The following SPG7 variants were observed in gnomAD, a reference collection of about 807,000 sequenced individuals.
SPG7 encodes the protein SPG7 matrix AAA peptidase subunit, paraplegin, also known as mitochondrial inner membrane m-AAA protease component paraplegin.
Under a neutral mutation model 81.9 loss-of-function variants are expected in SPG7, and 103 were observed. The observed-to-expected ratio is 1.26, with a 90% CI of 1.07 to 1.48. SPG7 has a LOEUF of 1.48. SPG7 is among the 40% of genes most tolerant of loss of function. The pLI, the probability that SPG7 is intolerant of heterozygous loss-of-function variation, is 0.00. For synonymous variants in SPG7, 534 were observed against 444.2 expected, an observed-to-expected ratio of 1.20 and a Z score of -2.54; for missense variants, 1,241 against 1,087.3, an observed-to-expected ratio of 1.14 and a Z score of -1.99.
At chr16:89,544,413 G>A (rs959200301) in intron 9 of SPG7, 7 of 504,998 alleles carry the variant, frequency 1.4e-5, no homozygotes, top group African/African-American at 1.4e-4. Context: ...GGAGGGCCTT[G>A]GACAGTTCTG....
chr16:89,541,878 C>A (rs1295455148), intron 9 of SPG7: 4 of 151,968 alleles, frequency 2.6e-5, no homozygotes, highest in Non-Finnish European at 5.9e-5. Flanking sequence ...AACCACATGT[C>A]CCTGACACAT....
intron 6 of SPG7, 161 bp downstream of exon 6, chr16:89,529,740 C>G: frequency 1.4e-6 from 1 of 696,096 alleles, no homozygotes; most frequent in South Asian, 1.5e-5. Flanking sequence ...CATGGTCCGG[C>G]TGTAAGGCGT....
At chr16:89,530,992 C>A in intron 7 of SPG7, 184 bp downstream of exon 7, 1 of 773,484 alleles carries the variant, frequency 1.3e-6, no homozygotes, top group East Asian at 2.7e-5. Flanking sequence ...GCACAAGCCT[C>A]GTGCACATGG....
At chr16:89,517,066 CA>C (rs1476035751) in intron 3 of SPG7, 1 of 152,362 alleles carries the variant, frequency 6.6e-6, no homozygotes, top group Non-Finnish European at 1.5e-5. Context: ...TCTTGGGTAG[CA>C]GGGGTGGAAG....
Position 89,529,479 on chromosome 16 carries a change from C to T in SPG7, c.761C>T (p.Ala254Val). 1 of 1,610,728 alleles carries T rather than the reference C, an allele frequency of 6.2e-7. No individual in the cohort carries two copies. ...SYKRTGFFGN[A>V]LYSVGMTAVG... ...CCTGCCTCTCTTTCTTCCGGCAGTGCCCTGTACTCTGTGGGGATGACGGCA... is the reference window on the plus strand; with the variant it reads ...CCTGCCTCTCTTTCTTCCGGCAGTGTCCTGTACTCTGTGGGGATGACGGCA... The change falls in exon 6 of 17, where the codon GCC becomes GTC. Residue 254 changes from alanine (A) to valine (V), a missense_variant and splice_region_variant. Physicochemically the swap from Ala to Val is moderately conservative, Grantham distance 64 (BLOSUM62 0). Coordinates refer to ENST00000645818, the MANE Select transcript of SPG7 (RefSeq NM_003119.4).
Position 89,513,030 on chromosome 16 carries a change from G to A in SPG7, c.369G>A (p.Glu123=), listed in dbSNP as rs777746374. The part of the protein sequence containing the change: ...KDKSKGKAPE[E]DEEERRRRER... The stretch of plus-strand genomic sequence containing the variant: ...AGTCGAAGGGGAAGGCGCCTGAAGA[G>A]GACGAAGGTATATTCATCTGATGTT... Residue 123 remains glutamate, a synonymous_variant, in exon 3 of 17, where the codon GAG becomes GAA. Coordinates refer to ENST00000645818, the MANE Select transcript of SPG7 (RefSeq NM_003119.4). 1.5e-5 allele frequency: 24 copies of A among 1,608,228 alleles called. No homozygotes were observed. In the South Asian group the frequency reaches 2.3e-4, roughly 16 times the overall value.
At chr16:89,536,796 G>T (rs753641547) in intron 9 of SPG7, 1 of 1,613,988 alleles carries the variant, frequency 6.2e-7, no homozygotes, top group East Asian at 2.2e-5. Flanking sequence ...CCTCCCAGGG[G>T]ACCATGAGGA....
At chr16:89,529,789 C>T (rs1300472777) in intron 6 of SPG7, 1 of 625,168 alleles carries the variant, frequency 1.6e-6, no homozygotes, top group Middle Eastern at 4.2e-4. Context: ...TCACCCCTAA[C>T]TCTGGGGTGC....
At chr16:89,519,607 C>G (rs1015269553) in intron 3 of SPG7, 13 of 151,880 alleles carry the variant, frequency 8.6e-5, no homozygotes, top group African/African-American at 2.7e-4. Flanking sequence ...GTCTCAGACT[C>G]CCGACCTCAG....
chr16:89,511,363 T>G (rs139861888), intron 2 of SPG7, among the ~76,000 whole-genome samples: 1,820 of 152,352 alleles, frequency 0.012, 39 homozygotes, highest in African/African-American at 0.041. Context: ...CTCTTGGCTT[T>G]AGGTTAAAGA....
intron 2 of SPG7, among the ~76,000 whole-genome samples, chr16:89,512,325 A>G (rs901978966): frequency 2.5e-4 from 36 of 145,744 alleles, no homozygotes; most frequent in African/African-American, 8.1e-4. Context: ...TTGTCTGGAA[A>G]CCATTTGTGA....
chr16:89,554,921 T>C, intron 16 of SPG7: 2 of 268,048 alleles, frequency 7.5e-6, no homozygotes, highest in South Asian at 3.8e-5. Flanking sequence ...AATTTTTTTT[T>C]CTTTTTTTTT....
In SPG7 at chr16:89,546,710, C is replaced by G; in HGVS notation, c.1502C>G (p.Ser501Cys). The change falls in exon 11 of 17, where the codon TCC (serine) becomes TGC (cysteine). Residue 501 changes from serine (S) to cysteine (C), a missense_variant. Transcript: ENST00000645818. ...QHLKSLKLTQ[S>C]STFYSQRLAE... ...CTGAAGAGCCTGAAGCTGACCCAGTCCAGCACCTTTTACTCCCAGCGTCTG... is the reference window on the plus strand; with the variant it reads ...CTGAAGAGCCTGAAGCTGACCCAGTGCAGCACCTTTTACTCCCAGCGTCTG... 6.2e-7 allele frequency: 1 copy of G among 1,613,766 alleles called. No individual in the cohort carries two copies.
rs772832212 is a variant in SPG7 at position 89,541,532 on chromosome 16, G to A, written c.1325-3116G>A. On this transcript the variant is annotated intron_variant, in intron 9 of 16. Coordinates refer to ENST00000645818, the MANE Select transcript of SPG7 (RefSeq NM_003119.4). ...GGAGATGCTCGTTATGTGAACGTGC[G>A]TGTGACACAGGTGTCCATCTGTGGA... 1.8e-3 allele frequency: 296 copies of A among 164,534 alleles called. 2 individuals are homozygous for A. The highest frequency in any genetic ancestry group is 1.8e-3 in the Admixed American group (28 of 15,314). 10.2% of individuals were successfully genotyped at this position (164,534 alleles called of 1,614,324 possible).
At chr16:89,526,160 G>A (rs1020781693) in intron 4 of SPG7, among the ~76,000 whole-genome samples, 169 bp from the exon 5 acceptor site, 1 of 152,142 alleles carries the variant, frequency 6.6e-6, no homozygotes, top group Non-Finnish European at 1.5e-5. Flanking sequence ...TGGAAAGACC[G>A]TAAGTGGAAC....
In SPG7 at chr16:89,557,165, T is replaced by G; in HGVS notation, c.*72T>G. ...TCACTCAGCCACCCTGAGTTGCTTT[T>G]CAGCTGAGGTTTGCACTTCCTCTCG... On this transcript the variant is annotated 3_prime_UTR_variant, in exon 17 of 17. Coordinates refer to ENST00000645818, the MANE Select transcript of SPG7 (RefSeq NM_003119.4). 8.4e-7 allele frequency: 1 copy of G among 1,196,500 alleles called. No individual in the cohort carries two copies. Among genetic ancestry groups the G allele is most frequent in the Non-Finnish European group, 1.2e-6 (1 of 817,170 alleles). The allele number at this position is 1,196,500 out of a possible 1,614,324, so 74.1% of individuals were successfully genotyped here.
intron 9 of SPG7, chr16:89,537,356 T>G: frequency 3.5e-6 from 4 of 1,153,952 alleles, no homozygotes; most frequent in Non-Finnish European, 4.3e-6. Context: ...TCCCGGCTCC[T>G]GTGCTGGAAA....
At chr16:89,544,866 T>C in intron 10 of SPG7, 94 bp downstream of exon 10, 2 of 1,501,380 alleles carry the variant, frequency 1.3e-6, no homozygotes, top group South Asian at 2.3e-5. Context: ...CTTCTTGGTG[T>C]GAAGCCTGTC....
At position 89,508,442 on chromosome 16, in the gene SPG7, C is replaced by T. The variant is rs1368314619; in HGVS notation, c.25C>T (p.Arg9Cys). MAVLLLLL[R>C]ALRRGPGPGP... is the part of the protein sequence containing the mutation. ...CATGGCCGTGCTGCTGCTGCTGCTC[C>T]GTGCCCTCCGCCGGGGTCCAGGCCC... Residue 9 changes from arginine to cysteine, a missense_variant, in exon 1 of 17, where the codon CGT becomes TGT. Coordinates refer to ENST00000645818, the MANE Select transcript of SPG7 (RefSeq NM_003119.4). The T allele has an allele frequency of 2.5e-5, 38 of 1,501,936 alleles. No homozygotes were observed. Among genetic ancestry groups the T allele is most frequent in the Non-Finnish European group, 3.1e-5 (35 of 1,132,590 alleles). The allele number at this position is 1,501,936 out of a possible 1,614,324, so 93.0% of individuals were successfully genotyped here.
Sources: gnomAD v4.1 joint callset for allele counts (sites outside exome capture counted in the v4.1 genomes callset) on GRCh38, gnomAD v4.1.1 for gene constraint, MANE v1.5 for transcripts, NCBI Gene and HGNC (gene_info 2026-07-23, HGNC 2026-07-21) for gene names.